Variants in MEF2D observed in about 807,000 individuals in gnomAD.
The protein encoded by MEF2D is myocyte-specific enhancer factor 2D.
A neutral mutation model predicts 59.3 loss-of-function variants in MEF2D; 10 were observed. The observed-to-expected ratio is 0.17, with a 90% confidence interval of 0.10 to 0.29. MEF2D has a LOEUF of 0.29. Ranked by LOEUF, MEF2D falls within the 10% of genes least tolerant of loss-of-function variation. MEF2D has a pLI of 1.00. For synonymous variants in MEF2D, 305 were observed against 295.0 expected, an observed-to-expected ratio of 1.03 and a Z score of -0.35; for missense variants, 508 against 699.4, an observed-to-expected ratio of 0.73 and a Z score of 3.09.
intron 1 of MEF2D, among the ~76,000 whole-genome samples, chr1:156,495,762 C>CAAAAAAAAGAAA: frequency 1.3e-5 from 1 of 78,012 alleles, no homozygotes; most frequent in East Asian, 4.5e-4. Context: ...GACCAGGGGG[C>CAAAAAAAAGAAA]AAAAAAAAAA....
intron 1 of MEF2D, among the ~76,000 whole-genome samples, chr1:156,485,402 C>T (rs946223427): frequency 2.0e-5 from 3 of 152,210 alleles, no homozygotes; most frequent in African/African-American, 7.2e-5. Flanking sequence ...CTGGCCCCAT[C>T]CCATTACCAA....
At chr1:156,500,194 G>A (rs1316283684) in intron 1 of MEF2D, among the ~76,000 whole-genome samples, 2 of 152,110 alleles carry the variant, frequency 1.3e-5, no homozygotes, top group African/African-American at 4.8e-5. Context: ...ACACGAACAG[G>A]CGGGCGCGCC....
At position 156,468,759 on chromosome 1, in the gene MEF2D, T is replaced by C. The variant is rs1671033221; in HGVS notation, c.1247+21A>G. 2.5e-6 allele frequency: 4 copies of C among 1,600,694 alleles called. No homozygotes were observed. The highest frequency in any genetic ancestry group is 3.4e-6 in the Non-Finnish European group (4 of 1,169,092). ...AATTCTCCCTTCCCACACACTCACA[T>C]GCAGTCTCCCCAGGACTCACATGAG... On this transcript the variant is annotated intron_variant, in intron 10 of 11. Coordinates refer to ENST00000348159, the MANE Select transcript of MEF2D (RefSeq NM_005920.4). The surrounding 1 kb of genome is among the most constrained non-coding windows in gnomAD (Gnocchi z 4.3).
intron 3 of MEF2D, among the ~76,000 whole-genome samples, chr1:156,481,725 C>G (rs942779342): frequency 3.9e-5 from 6 of 152,224 alleles, no homozygotes; most frequent in African/African-American, 1.4e-4. Context: ...TCTGAGTAGG[C>G]CTGTGGCTTC....
At chr1:156,475,027 G>A (rs1464691668) in intron 9 of MEF2D, 81 bp downstream of exon 9, 1 of 1,602,798 alleles carries the variant, frequency 6.2e-7, no homozygotes, top group African/African-American at 1.3e-5. Context: ...GGCCTGTCCA[G>A]GGGATAACTA....
At chr1:156,478,714 G>C (rs192483416) in intron 6 of MEF2D, among the ~76,000 whole-genome samples, 3 of 152,204 alleles carry the variant, frequency 2.0e-5, no homozygotes, top group African/African-American at 7.2e-5. Flanking sequence ...ATTTTTAGTA[G>C]AGATGGGGTT....
intron 9 of MEF2D, among the ~76,000 whole-genome samples, chr1:156,470,216 T>G (rs1467703190): frequency 3.3e-5 from 5 of 152,166 alleles, no homozygotes; most frequent in Non-Finnish European, 7.4e-5. Flanking sequence ...CCTCCCTAGT[T>G]CAAGATTAGC....
chr1:156,482,162 C>A (rs541816857), intron 3 of MEF2D, among the ~76,000 whole-genome samples: 1 of 152,380 alleles, frequency 6.6e-6, no homozygotes, highest in Admixed American at 6.5e-5. Context: ...TTACATCACA[C>A]TGGACGACAG....
At chr1:156,469,891 A>T (rs2101994533) in intron 9 of MEF2D, among the ~76,000 whole-genome samples, 1 of 152,198 alleles carries the variant, frequency 6.6e-6, no homozygotes, top group South Asian at 2.1e-4. Context: ...GAAAAAAAAA[A>T]TCATGTGTAG....
intron 9 of MEF2D, among the ~76,000 whole-genome samples, chr1:156,471,052 T>TATTTC (rs1671206983): frequency 6.6e-6 from 1 of 152,140 alleles, no homozygotes; most frequent in South Asian, 2.1e-4. Context: ...TAGGATCAAC[T>TATTTC]ATTTCTTTTC....
In MEF2D at chr1:156,465,427, A is replaced by C. The variant is rs1370778808; in HGVS notation, c.*2218T>G. On this transcript the variant is annotated 3_prime_UTR_variant, in exon 12 of 12. Transcript: ENST00000348159. ...TGCCAATCCCCCCAACTGCAGTTCA[A>C]TGTGTCAGAGCTGAGGGTGAACACA... 1.3e-5 allele frequency: 2 copies of C among 152,488 alleles called. No homozygotes were observed. The highest frequency in any genetic ancestry group is 4.8e-5 in the African/African-American group (2 of 41,438). 9.4% of individuals were successfully genotyped at this position (152,488 alleles called of 1,614,324 possible). A position where few individuals can be genotyped will look rare whatever the true frequency, so the allele number is the denominator to read the frequency against.
At chr1:156,481,189 CA>C (rs1299718556) in intron 3 of MEF2D, among the ~76,000 whole-genome samples, 1 of 152,176 alleles carries the variant, frequency 6.6e-6, no homozygotes, top group African/African-American at 2.4e-5. Flanking sequence ...ACACAGAGAA[CA>C]AGGCTGGAAG....
chr1:156,482,194 G>A (rs75809829), intron 3 of MEF2D, among the ~76,000 whole-genome samples: 1 of 152,240 alleles, frequency 6.6e-6, no homozygotes, highest in Non-Finnish European at 1.5e-5. Context: ...AGAGGGCAGG[G>A]TGGGTGTGGG....
intron 1 of MEF2D, among the ~76,000 whole-genome samples, chr1:156,497,342 C>A (rs1284976573): frequency 6.6e-6 from 1 of 152,240 alleles, no homozygotes; most frequent in Admixed American, 6.5e-5. Context: ...ACCATTTCCT[C>A]CTTCTCTATA....
chr1:156,487,790 T>C (rs1449335743), intron 1 of MEF2D, among the ~76,000 whole-genome samples: 5 of 152,114 alleles, frequency 3.3e-5, no homozygotes, highest in African/African-American at 9.7e-5. Context: ...CAGATGTGAG[T>C]CTCTCCTCTC....
chr1:156,479,044 A>G (rs1008787080), intron 6 of MEF2D, among the ~76,000 whole-genome samples: 2 of 152,200 alleles, frequency 1.3e-5, no homozygotes, highest in African/African-American at 2.4e-5. Flanking sequence ...CCAACTAGAA[A>G]TGCTGGCCCA....
At chr1:156,480,793 C>T (rs753073830) in intron 4 of MEF2D, 41 bp downstream of exon 4, 172 of 1,593,746 alleles carry the variant, frequency 1.1e-4, no homozygotes, top group Non-Finnish European at 1.4e-4. Context: ...GGGAAGGGGC[C>T]GGAAGGGGGG....
At chr1:156,497,907 G>A (rs1673223919) in intron 1 of MEF2D, among the ~76,000 whole-genome samples, 1 of 151,852 alleles carries the variant, frequency 6.6e-6, no homozygotes, top group Non-Finnish European at 1.5e-5. Context: ...ACAGCAGAGG[G>A]ACCCTCTGAG....
At position 156,500,514 on chromosome 1, in the gene MEF2D, C is replaced by A. The variant is rs1436721556; in HGVS notation, c.-167G>T. 1.3e-5 allele frequency: 2 copies of A among 152,266 alleles called. No individual in the cohort carries two copies. Among genetic ancestry groups the A allele is most frequent in the African/African-American group, 2.4e-5 (1 of 41,466 alleles). 9.4% of individuals were successfully genotyped at this position (152,266 alleles called of 1,614,324 possible). A position where few individuals can be genotyped will look rare whatever the true frequency, so the allele number is the denominator to read the frequency against. On this transcript the variant is annotated 5_prime_UTR_variant, in exon 1 of 12. Coordinates refer to ENST00000348159, the MANE Select transcript of MEF2D (RefSeq NM_005920.4). ...CCCGGCTGGGGGAACGGTGTTGTCA[C>A]GGCAAAGAGCGGGTAGCCCTCGCCC...
Sources: gnomAD v4.1 joint callset for allele counts (sites outside exome capture counted in the v4.1 genomes callset) on GRCh38, gnomAD v4.1.1 for gene constraint, Gnocchi (gnomAD v3.1) non-coding constraint, MANE v1.5 for transcripts, NCBI Gene and HGNC (gene_info 2026-07-23, HGNC 2026-07-21) for gene names.